Variants in STS observed in about 807,000 individuals in gnomAD.
STS encodes the protein steryl-sulfatase.
Under a neutral mutation model 26.8 loss-of-function variants are expected in STS, and 7 were observed. That is an observed-to-expected ratio of 0.26 (90% CI 0.15 to 0.49). The LOEUF is 0.49. Among genes scored for constraint, STS ranks in the 20% least tolerant of loss-of-function variants. STS has a pLI of 0.98. For missense variants in STS, 434 were observed against 465.6 expected (o/e 0.93, Z 0.63); for synonymous variants, 199 against 189.4 (o/e 1.05, Z -0.42).
chrX:7,283,450 G>A (rs754565196), intron 7 of STS, among the ~76,000 whole-genome samples: 1 of 112,025 alleles, frequency 8.9e-6, no homozygotes, highest in African/African-American at 3.2e-5. Context: ...GTAAATTGTA[G>A]AATTATAGTG....
chrX:7,191,844 G>T (rs1330890782), intron 2 of STS, among the ~76,000 whole-genome samples: 1 of 112,620 alleles, frequency 8.9e-6, no homozygotes, highest in Non-Finnish European at 1.9e-5. Context: ...GGAAGTGAGG[G>T]CTGAGGGGCA....
chrX:7,278,833 C>T (rs1174957441), intron 7 of STS, among the ~76,000 whole-genome samples: 1 of 111,479 alleles, frequency 9.0e-6, no homozygotes, highest in African/African-American at 3.3e-5. Context: ...TTTGTGGGAG[C>T]CATAGGCTTT....
chrX:7,209,509 A>G (rs1189140571), intron 2 of STS, among the ~76,000 whole-genome samples: 3 of 103,225 alleles, frequency 2.9e-5, no homozygotes, highest in Non-Finnish European at 5.9e-5. Flanking sequence ...ATGATTAAAA[A>G]TGAAAAAAAT....
intron 7 of STS, among the ~76,000 whole-genome samples, chrX:7,299,986 A>G (rs1426461221): frequency 8.9e-6 from 1 of 111,865 alleles, no homozygotes. Flanking sequence ...TTTGTAGCTC[A>G]GTGCCTGACT....
At position 7,336,245 on chromosome X, in the gene STS, C is replaced by CG. The variant is rs373162769; in HGVS notation, c.1363+2138_1363+2139insG. Among the ~76,000 whole-genome samples, 40 of 103,469 alleles carry CG rather than the reference C, an allele frequency of 3.9e-4. No individual in the cohort carries two copies. The Middle Eastern group carries it at 0.015, about 39-fold the overall frequency. 89.9% of individuals were successfully genotyped at this position (103,469 alleles called of 115,157 possible). ...GCTTCTAGAACCTAGGACTGCCCCC[C>CG]CCACCCGCCCCAAAGGAGGGGTGTG... On this transcript the variant is annotated intron_variant, in intron 10 of 10. Coordinates refer to ENST00000674429, the MANE Select transcript of STS (RefSeq NM_001320752.2).
At position 7,346,880 on chromosome X, in the gene STS, C is replaced by A. The variant is rs1257407298; in HGVS notation, c.1364-3008C>A. On this transcript the variant is annotated intron_variant, in intron 10 of 10. Coordinates refer to ENST00000674429, the MANE Select transcript of STS (RefSeq NM_001320752.2). ...CCCAGGAGTTCGAGACCAGCCTGGG[C>A]AACATGGAGACACCCCATTTCTACA... 3.6e-5 allele frequency among the ~76,000 whole-genome samples: 4 copies of A among 110,427 alleles called. No homozygotes were observed. The East Asian group carries it at 1.2e-3, about 32-fold the overall frequency.
chrX:7,191,650 C>A (rs1933875020), intron 2 of STS, among the ~76,000 whole-genome samples: 1 of 109,996 alleles, frequency 9.1e-6, no homozygotes, highest in Non-Finnish European at 1.9e-5. Flanking sequence ...AGAGCTCTTC[C>A]CCCTGGTGGA....
intron 6 of STS, among the ~76,000 whole-genome samples, chrX:7,269,073 C>T (rs1267194085): frequency 1.9e-5 from 2 of 104,081 alleles, no homozygotes; most frequent in African/African-American, 7.1e-5. Context: ...ATCTCTTAAG[C>T]CCCGGAGTTG....
At chrX:7,205,915 G>A (rs181257284) in intron 2 of STS, among the ~76,000 whole-genome samples, 12 of 110,082 alleles carry the variant, frequency 1.1e-4, no homozygotes, top group African/African-American at 4.0e-4. Flanking sequence ...CACTCTCGGT[G>A]GAAATCATTT....
chrX:7,322,398 C>G lies in STS; in HGVS notation c.1082-2941C>G, dbSNP rs1285773936. Among the ~76,000 whole-genome samples, 12 of 111,796 alleles carry G rather than the reference C, an allele frequency of 1.1e-4. 1 individual carries two copies. On this transcript the variant is annotated intron_variant, in intron 8 of 10. Coordinates refer to ENST00000674429, the MANE Select transcript of STS (RefSeq NM_001320752.2). ...GGCTGCCTCAATGCAGATTCTCTCTCTCTCTCTCTTTTTCTTTTCTGAGAC... is the reference window on the plus strand; with the variant it reads ...GGCTGCCTCAATGCAGATTCTCTCTGTCTCTCTCTTTTTCTTTTCTGAGAC...
chrX:7,340,262 C>G (rs1294185335), intron 10 of STS, among the ~76,000 whole-genome samples: 3 of 111,144 alleles, frequency 2.7e-5, no homozygotes, highest in Non-Finnish European at 5.7e-5. Context: ...CACGGGGTGT[C>G]TCTCAGTTCT....
At chrX:7,313,513 A>G (rs1926575897) in intron 8 of STS, among the ~76,000 whole-genome samples, 1 of 112,428 alleles carries the variant, frequency 8.9e-6, no homozygotes, top group African/African-American at 3.2e-5. Context: ...GTTGGCAAAC[A>G]TTGTCATTGG....
chrX:7,260,382 G>A lies in STS; in HGVS notation c.806+610G>A, dbSNP rs780956548. On this transcript the variant is annotated intron_variant, in intron 6 of 10. Transcript: ENST00000674429. Reference sequence around the variant, plus strand: ...TTAATGTCTGCTGATGACAAAGGAGGTGTCAGATATCCCACTGGTTTTTTG... The same window carrying A: ...TTAATGTCTGCTGATGACAAAGGAGATGTCAGATATCCCACTGGTTTTTTG... Among the ~76,000 whole-genome samples, 9 of 111,847 alleles carry A rather than the reference G, an allele frequency of 8.0e-5. No homozygotes were observed. The South Asian group carries it at 3.5e-3, about 43-fold the overall frequency.
chrX:7,154,584 G>T (rs1178585901), intron 1 of STS, among the ~76,000 whole-genome samples: 1 of 112,281 alleles, frequency 8.9e-6, no homozygotes, highest in East Asian at 2.8e-4. Context: ...GGAAAGTCAG[G>T]TAGCTTGCCA....
intron 8 of STS, among the ~76,000 whole-genome samples, chrX:7,306,221 T>G (rs755154233): frequency 4.5e-5 from 5 of 111,498 alleles, no homozygotes; most frequent in Admixed American, 1.9e-4. Context: ...CTATATACAT[T>G]AGACATATCT....
chrX:7,278,028 A>G (rs1924623574), intron 7 of STS, among the ~76,000 whole-genome samples: 1 of 112,474 alleles, frequency 8.9e-6, no homozygotes, highest in Non-Finnish European at 1.9e-5. Flanking sequence ...TGCCTGACTC[A>G]TTAGAAAGTC....
intron 8 of STS, among the ~76,000 whole-genome samples, chrX:7,320,744 G>C (rs1181399155): frequency 8.9e-6 from 1 of 111,759 alleles, no homozygotes; most frequent in Non-Finnish European, 1.9e-5. Flanking sequence ...TTTGTTGGCT[G>C]TGATGTCTGT....
intron 2 of STS, among the ~76,000 whole-genome samples, chrX:7,245,815 A>T (rs986910633): frequency 8.9e-6 from 1 of 111,948 alleles, no homozygotes; most frequent in Non-Finnish European, 1.9e-5. Flanking sequence ...AAAGCTGGGG[A>T]TGGGGGCTGA....
intron 10 of STS, among the ~76,000 whole-genome samples, chrX:7,343,643 C>T (rs1168832440): frequency 8.9e-6 from 1 of 111,747 alleles, no homozygotes; most frequent in Non-Finnish European, 1.9e-5. Context: ...TGAACCTAAA[C>T]TATTGATGCT....
Sources: gnomAD v4.1 joint callset for allele counts (sites outside exome capture counted in the v4.1 genomes callset) on GRCh38, gnomAD v4.1.1 for gene constraint, MANE v1.5 for transcripts, NCBI Gene and HGNC (gene_info 2026-07-23, HGNC 2026-07-21) for gene names.